Variants in ITSN1 observed in about 807,000 individuals in gnomAD.
ITSN1 encodes intersectin 1.
A neutral mutation model predicts 239.8 loss-of-function variants in ITSN1; 58 were observed. The observed-to-expected ratio is 0.24, with a 90% CI of 0.20 to 0.30. ITSN1 has a LOEUF of 0.30. Ranked by LOEUF, ITSN1 falls within the 10% of genes least tolerant of loss-of-function variation. The pLI is 1.00. For synonymous variants in ITSN1, 780 were observed against 770.8 expected (o/e 1.01, Z -0.20); for missense variants, 1,558 against 2,103.3 (o/e 0.74, Z 5.07).
At chr21:33,879,688 C>CTT (rs201862466) in intron 34 of ITSN1, among the ~76,000 whole-genome samples, 1 of 151,666 alleles carries the variant, frequency 6.6e-6, no homozygotes, top group African/African-American at 2.4e-5. Context: ...TGTCATCCTT[C>CTT]TTTTTTTTTG....
intron 35 of ITSN1, 41 bp from the exon 36 acceptor site, chr21:33,883,509 C>A (rs751894086): frequency 4.4e-6 from 7 of 1,607,410 alleles, no homozygotes; most frequent in Middle Eastern, 3.3e-4. Flanking sequence ...AGCACACAGA[C>A]CCCCAGCCTC....
chr21:33,813,823 C>CTG, intron 21 of ITSN1, 90 bp from the exon 22 acceptor site: 1 of 930,498 alleles, frequency 1.1e-6, no homozygotes, highest in African/African-American at 1.9e-5. Flanking sequence ...GGAGTGCTTG[C>CTG]TTTTTTTTTT....
rs570216451 is a variant in ITSN1 at position 33,865,438 on chromosome 21, G to C, written c.4074+104G>C. ...AAAGTCTGCAAGAGTGTTCCCACTA[G>C]AGGCCAACAGGGCCTAGGGTCTTGG... On this transcript the variant is annotated intron_variant, in intron 32 of 39. Transcript: ENST00000381318. The surrounding 1 kb of genome is among the most constrained non-coding windows in gnomAD (Gnocchi z 4.4). 475 of 944,436 alleles carry C rather than the reference G, an allele frequency of 5.0e-4. No homozygotes were observed. Among genetic ancestry groups the C allele is most frequent in the Non-Finnish European group, 6.6e-4 (428 of 649,200 alleles). 58.5% of individuals were successfully genotyped at this position (944,436 alleles called of 1,614,324 possible).
At chr21:33,853,650 C>T (rs535222104) in intron 29 of ITSN1, among the ~76,000 whole-genome samples, 99 of 152,252 alleles carry the variant, frequency 6.5e-4, no homozygotes, top group African/African-American at 2.3e-3. Context: ...GAACTCTGGT[C>T]GGGTTGTCAG....
At chr21:33,883,299 A>G (rs1201204273) in intron 35 of ITSN1, among the ~76,000 whole-genome samples, 1 of 152,230 alleles carries the variant, frequency 6.6e-6, no homozygotes, top group Non-Finnish European at 1.5e-5. Context: ...ATGCTAACCC[A>G]AAATTATTAT....
chr21:33,793,754 G>A (rs1318808245), intron 16 of ITSN1, among the ~76,000 whole-genome samples: 1 of 152,142 alleles, frequency 6.6e-6, no homozygotes, highest in African/African-American at 2.4e-5. Context: ...CGACTTGAAG[G>A]ATAGATTTAG....
chr21:33,660,834 C>T, intron 1 of ITSN1, among the ~76,000 whole-genome samples: 1 of 152,252 alleles, frequency 6.6e-6, no homozygotes, highest in South Asian at 2.1e-4. Context: ...GTTGATCCAT[C>T]CTATACTTTG....
chr21:33,782,820 TC>T (rs1218440041), intron 16 of ITSN1, among the ~76,000 whole-genome samples: 2 of 151,740 alleles, frequency 1.3e-5, no homozygotes, highest in African/African-American at 4.8e-5. Flanking sequence ...GGTCAGGAGA[TC>T]GAGACCATCC....
chr21:33,654,786 G>A (rs76577687), intron 1 of ITSN1, among the ~76,000 whole-genome samples: 2,338 of 152,282 alleles, frequency 0.015, 59 homozygotes, highest in African/African-American at 0.054. Flanking sequence ...ATTTATGGAT[G>A]GGGAGAATAA....
intron 34 of ITSN1, among the ~76,000 whole-genome samples, chr21:33,878,042 G>A (rs1309862534): frequency 8.7e-6 from 1 of 114,418 alleles, no homozygotes; most frequent in Non-Finnish European, 1.9e-5. Context: ...GTGTGTGTGT[G>A]TGTGTTTGTT....
intron 29 of ITSN1, among the ~76,000 whole-genome samples, chr21:33,851,388 TTTTC>T (rs1978309224): frequency 6.6e-6 from 1 of 151,986 alleles, no homozygotes; most frequent in Non-Finnish European, 1.5e-5. Context: ...ACGGGCTCTT[TTTTC>T]TTTTCTTTTT....
At chr21:33,777,295 A>G (rs766508438) in intron 14 of ITSN1, among the ~76,000 whole-genome samples, 7 of 152,168 alleles carry the variant, frequency 4.6e-5, no homozygotes, top group Non-Finnish European at 7.4e-5. Flanking sequence ...GTAATGGTCT[A>G]TTCTGGACTC....
intron 33 of ITSN1, among the ~76,000 whole-genome samples, chr21:33,874,447 C>T (rs1158636204): frequency 6.6e-6 from 1 of 152,114 alleles, no homozygotes; most frequent in Non-Finnish European, 1.5e-5. Context: ...CCCTGCCCTC[C>T]AAGGGCACCT....
chr21:33,843,491 C>T (rs2074895489), intron 29 of ITSN1, among the ~76,000 whole-genome samples: 1 of 152,198 alleles, frequency 6.6e-6, no homozygotes, highest in Non-Finnish European at 1.5e-5. Context: ...CAGTCTGAGC[C>T]AAATGTAAGA....
chr21:33,832,332 A>C (rs1336931057), intron 27 of ITSN1, among the ~76,000 whole-genome samples: 1 of 151,014 alleles, frequency 6.6e-6, no homozygotes, highest in African/African-American at 2.4e-5. Flanking sequence ...TGCCGGCACC[A>C]CTCTTTAGTA....
intron 4 of ITSN1, among the ~76,000 whole-genome samples, chr21:33,723,475 G>C (rs1401464893): frequency 6.6e-6 from 1 of 152,146 alleles, no homozygotes; most frequent in African/African-American, 2.4e-5. Context: ...TTAGCCAGGT[G>C]TGGTGGCGGG....
chr21:33,709,897 C>T (rs974443248), intron 1 of ITSN1, among the ~76,000 whole-genome samples: 1 of 151,906 alleles, frequency 6.6e-6, no homozygotes, highest in African/African-American at 2.4e-5. Flanking sequence ...ATTGAGTAAT[C>T]TCCATATCAG....
chr21:33,809,102 C>A (rs1396454065), intron 20 of ITSN1, among the ~76,000 whole-genome samples: 1 of 152,162 alleles, frequency 6.6e-6, no homozygotes, highest in African/African-American at 2.4e-5. Context: ...TATCTTAAAT[C>A]CTCATCTAGA....
chr21:33,694,473 CAGG>C (rs1568956474), intron 1 of ITSN1, among the ~76,000 whole-genome samples: 3 of 152,224 alleles, frequency 2.0e-5, no homozygotes, highest in Admixed American at 6.5e-5. Flanking sequence ...GGCAGATTTG[CAGG>C]AGTTTTGTTA....
Sources: allele counts gnomAD v4.1 joint callset (sites outside exome capture counted in the v4.1 genomes callset), GRCh38; gene constraint gnomAD v4.1.1; non-coding constraint Gnocchi (gnomAD v3.1); transcripts MANE v1.5; gene names NCBI Gene and HGNC (gene_info 2026-07-23, HGNC 2026-07-21).